TBXAS1: variants seen among roughly 807,000 people sequenced by gnomAD.
TBXAS1 encodes thromboxane-A synthase.
Under a neutral mutation model 60.7 loss-of-function variants are expected in TBXAS1, and 48 were observed. That is an observed-to-expected ratio of 0.79 (90% CI 0.63 to 1.01). The LOEUF (loss-of-function observed/expected upper bound fraction) is 1.01. Among genes scored for constraint, TBXAS1 ranks in the 50% least tolerant of loss-of-function variants. The pLI, the probability that TBXAS1 is intolerant of heterozygous loss-of-function variation, is 0.00. For missense variants in TBXAS1, 685 were observed against 686.3 expected (o/e 1.00, Z 0.02); for synonymous variants, 287 against 269.7 (o/e 1.06, Z -0.63).
chr7:139,982,601 C>G (rs1051347568), intron 9 of TBXAS1, among the ~76,000 whole-genome samples: 6 of 152,098 alleles, frequency 3.9e-5, no homozygotes, highest in African/African-American at 1.2e-4. Flanking sequence ...ATAAATGGAA[C>G]AAAAAGTTTT....
intron 1 of TBXAS1, among the ~76,000 whole-genome samples, chr7:139,780,493 T>C (rs1192340985): frequency 6.6e-6 from 1 of 152,040 alleles, no homozygotes; most frequent in Non-Finnish European, 1.5e-5. Context: ...TGGTGAGTAC[T>C]GCACACATAT....
chr7:139,989,857 C>T (rs1379948931), intron 9 of TBXAS1, among the ~76,000 whole-genome samples: 1 of 152,190 alleles, frequency 6.6e-6, no homozygotes, highest in Non-Finnish European at 1.5e-5. Flanking sequence ...GAGTGAGTCC[C>T]TGCCTGTCCT....
intron 3 of TBXAS1, among the ~76,000 whole-genome samples, chr7:139,905,472 G>A (rs1805004043): frequency 6.6e-6 from 1 of 152,146 alleles, no homozygotes; most frequent in South Asian, 2.1e-4. Flanking sequence ...AAACCCACCT[G>A]ATGTTCGTGG....
At chr7:139,918,954 TC>T (rs1308715962) in intron 4 of TBXAS1, among the ~76,000 whole-genome samples, 2 of 152,182 alleles carry the variant, frequency 1.3e-5, no homozygotes, top group African/African-American at 4.8e-5. Flanking sequence ...ACTACTGTTT[TC>T]ATTTTTGGTA....
intron 4 of TBXAS1, among the ~76,000 whole-genome samples, chr7:139,922,483 C>T (rs539212444): frequency 3.9e-5 from 6 of 152,144 alleles, no homozygotes; most frequent in African/African-American, 9.6e-5. Context: ...CCCCCTCCCC[C>T]ACTTTTATTT....
Position 139,796,269 on chromosome 7 carries a change from C to T in TBXAS1, c.-80+8843C>T, listed in dbSNP as rs143708058. 4.6e-5 allele frequency among the ~76,000 whole-genome samples: 7 copies of T among 152,236 alleles called. No individual in the cohort carries two copies. In the East Asian group the frequency reaches 1.4e-3, roughly 29 times the overall value. ...ATTTAATGGAAAAGGAATGAATAAA[C>T]CAACTAGGGTTCATCTATGCAATGG... is the stretch of plus-strand genomic sequence containing the variant. On this transcript the variant is annotated intron_variant, in intron 4 of 16. Coordinates refer to the TBXAS1 transcript ENST00000336425.
chr7:139,851,538 A>G (rs1379151403), intron 1 of TBXAS1, among the ~76,000 whole-genome samples: 1 of 152,204 alleles, frequency 6.6e-6, no homozygotes, highest in Non-Finnish European at 1.5e-5. Flanking sequence ...TTTCTTTTCC[A>G]GTAAAAGCAT....
chr7:139,985,515 A>T (rs1005694189), intron 9 of TBXAS1, among the ~76,000 whole-genome samples: 1 of 152,178 alleles, frequency 6.6e-6, no homozygotes, highest in African/African-American at 2.4e-5. Context: ...AATTTATCTC[A>T]ATTATTGTAA....
chr7:139,946,301 C>T (rs1404043550), intron 5 of TBXAS1, among the ~76,000 whole-genome samples: 1 of 152,194 alleles, frequency 6.6e-6, no homozygotes, highest in African/African-American at 2.4e-5. Flanking sequence ...AATCATGCCA[C>T]TGCACTCCAG....
intron 3 of TBXAS1, among the ~76,000 whole-genome samples, chr7:139,897,994 C>T (rs562893101): frequency 1.4e-4 from 21 of 152,312 alleles, no homozygotes; most frequent in Admixed American, 5.9e-4. Context: ...ATGAGCCAAG[C>T]AGGGACAGAG....
At chr7:139,834,367 G>C (rs368753884) in intron 1 of TBXAS1, among the ~76,000 whole-genome samples, 21 of 152,266 alleles carry the variant, frequency 1.4e-4, no homozygotes, top group African/African-American at 4.3e-4. Flanking sequence ...AAGTCTGAAA[G>C]AGCACAAACG....
At chr7:139,923,445 T>C (rs937516713) in intron 4 of TBXAS1, among the ~76,000 whole-genome samples, 1 of 152,090 alleles carries the variant, frequency 6.6e-6, no homozygotes, top group Admixed American at 6.5e-5. Context: ...TGTCAATTTT[T>C]AAAATGTTTA....
intron 9 of TBXAS1, among the ~76,000 whole-genome samples, chr7:139,989,908 T>G (rs1812766317): frequency 6.6e-6 from 1 of 152,202 alleles, no homozygotes; most frequent in Non-Finnish European, 1.5e-5. Flanking sequence ...CCTGCCCATC[T>G]TTGCTCATCA....
Position 139,911,340 on chromosome 7 carries a change from G to A in TBXAS1, c.333+19G>A, listed in dbSNP as rs149765908. Reference sequence around the variant, plus strand: ...CAGAATGGTACGTAGTTTTCTTTCCGCATATAGATGGATGGGGAATTGTTC... The same window carrying A: ...CAGAATGGTACGTAGTTTTCTTTCCACATATAGATGGATGGGGAATTGTTC... On this transcript the variant is annotated intron_variant, in intron 4 of 12. Coordinates refer to ENST00000448866, the MANE Select transcript of TBXAS1 (RefSeq NM_001061.7). 1,173 of 1,586,950 alleles carry A rather than the reference G, an allele frequency of 7.4e-4. 12 individuals are homozygous for A. The African/African-American group carries it at 0.013, about 18-fold the overall frequency.
intron 9 of TBXAS1, among the ~76,000 whole-genome samples, chr7:139,991,519 G>A (rs923854326): frequency 3.3e-5 from 5 of 152,200 alleles, no homozygotes; most frequent in African/African-American, 1.2e-4. Context: ...TAAGGGAGAG[G>A]TCATTTATGA....
At chr7:139,917,335 T>C (rs1003903427) in intron 4 of TBXAS1, among the ~76,000 whole-genome samples, 5 of 152,180 alleles carry the variant, frequency 3.3e-5, no homozygotes, top group African/African-American at 1.2e-4. Context: ...TAACACCCAC[T>C]TTCTTCTTTT....
intron 9 of TBXAS1, among the ~76,000 whole-genome samples, chr7:139,979,935 T>C (rs976486376): frequency 6.6e-6 from 1 of 152,002 alleles, no homozygotes. Context: ...TTTTGCTTTT[T>C]TTTTTCCTCA....
chr7:139,858,145 C>A (rs2116698230), intron 1 of TBXAS1, among the ~76,000 whole-genome samples: 2 of 152,308 alleles, frequency 1.3e-5, no homozygotes, highest in East Asian at 3.9e-4. Flanking sequence ...TACACATCAA[C>A]CCCATGCTCA....
chr7:139,995,081 C>G (rs1489440839), intron 9 of TBXAS1, among the ~76,000 whole-genome samples: 1 of 152,134 alleles, frequency 6.6e-6, no homozygotes, highest in Non-Finnish European at 1.5e-5. Flanking sequence ...TCCAGGCAGG[C>G]AGCCTCTGAA....
Sources: gnomAD v4.1 joint callset for allele counts (sites outside exome capture counted in the v4.1 genomes callset) on GRCh38, gnomAD v4.1.1 for gene constraint, MANE v1.5 for transcripts, NCBI Gene and HGNC (gene_info 2026-07-23, HGNC 2026-07-21) for gene names.